RBFOX1: variants seen among roughly 807,000 people sequenced by gnomAD.
RBFOX1 encodes the protein RNA binding fox-1 homolog 1, also known as RNA binding protein fox-1 homolog 1.
A neutral mutation model predicts 57.7 loss-of-function variants in RBFOX1; 8 were observed. That is an observed-to-expected ratio of 0.14 (90% CI 0.08 to 0.25). RBFOX1 has a LOEUF of 0.25. RBFOX1 is among the 10% of genes least tolerant of loss of function. The pLI is 1.00. For missense variants in RBFOX1, 611 were observed against 548.5 expected, an observed-to-expected ratio of 1.11 and a Z score of -1.14; for synonymous variants, 326 against 222.4, an observed-to-expected ratio of 1.47 and a Z score of -4.15.
At chr16:6,496,527 A>T (rs918165113) in intron 2 of RBFOX1, among the ~76,000 whole-genome samples, 1 of 152,174 alleles carries the variant, frequency 6.6e-6, no homozygotes, top group Non-Finnish European at 1.5e-5. Context: ...TGCCCACTTG[A>T]ACGTATCAGT....
chr16:7,432,142 A>T (rs1478195954), intron 4 of RBFOX1, among the ~76,000 whole-genome samples: 1 of 152,188 alleles, frequency 6.6e-6, no homozygotes, highest in African/African-American at 2.4e-5. Context: ...ACTCATTGTC[A>T]GGTCAGCAGG....
At chr16:5,857,142 T>C (rs1427366482) in intron 3 of RBFOX1, among the ~76,000 whole-genome samples, 1 of 152,116 alleles carries the variant, frequency 6.6e-6, no homozygotes, top group East Asian at 1.9e-4. Context: ...GATTTCAGTA[T>C]TATTGTGTCT....
intron 4 of RBFOX1, among the ~76,000 whole-genome samples, chr16:7,254,259 G>C (rs10500351): frequency 0.17 from 25,556 of 152,112 alleles, 2,474 homozygotes; most frequent in Middle Eastern, 0.3. Context: ...AGGACTCATA[G>C]TATTAACCAC....
chr16:6,961,097 C>T (rs954380392), intron 3 of RBFOX1, among the ~76,000 whole-genome samples: 2 of 144,218 alleles, frequency 1.4e-5, no homozygotes, highest in Non-Finnish European at 3.1e-5. Flanking sequence ...GAGCCGAGAT[C>T]ATGCCACTGC....
chr16:5,418,895 T>G (rs1016627825), intron 1 of RBFOX1, among the ~76,000 whole-genome samples: 1 of 152,128 alleles, frequency 6.6e-6, no homozygotes, highest in African/African-American at 2.4e-5. Context: ...ATTACAGAAT[T>G]CCAAGCAAAC....
chr16:5,545,221 A>C (rs1191354593), intron 2 of RBFOX1, among the ~76,000 whole-genome samples: 1 of 152,050 alleles, frequency 6.6e-6, no homozygotes, highest in Non-Finnish European at 1.5e-5. Context: ...CAGGTGATCC[A>C]ACCGCCTTGG....
intron 4 of RBFOX1, among the ~76,000 whole-genome samples, chr16:7,226,250 A>C (rs1461367777): frequency 6.6e-6 from 1 of 152,212 alleles, no homozygotes; most frequent in Non-Finnish European, 1.5e-5. Flanking sequence ...CTGATCAGGC[A>C]GGTTGGCTTC....
chr16:7,668,548 G>C (rs2070223045), intron 13 of RBFOX1, among the ~76,000 whole-genome samples: 3 of 152,112 alleles, frequency 2.0e-5, no homozygotes, highest in Admixed American at 6.6e-5. Flanking sequence ...CCACAGTGGA[G>C]AGGTGCAGGC....
intron 2 of RBFOX1, among the ~76,000 whole-genome samples, chr16:5,583,562 G>C (rs1205685011): frequency 6.6e-6 from 1 of 152,132 alleles, no homozygotes; most frequent in African/African-American, 2.4e-5. Flanking sequence ...TGTGATTCTG[G>C]AGGCTGCCTG....
At chr16:7,177,373 A>G (rs1234556961) in intron 4 of RBFOX1, among the ~76,000 whole-genome samples, 1 of 152,170 alleles carries the variant, frequency 6.6e-6, no homozygotes, top group Non-Finnish European at 1.5e-5. Flanking sequence ...CAGAGGAATG[A>G]TAAATGCTGG....
chr16:5,391,549 T>C (rs2066407613), intron 1 of RBFOX1, among the ~76,000 whole-genome samples: 1 of 152,118 alleles, frequency 6.6e-6, no homozygotes, highest in African/African-American at 2.4e-5. Context: ...CATCTGTGGC[T>C]TAATTCTTCT....
intron 1 of RBFOX1, among the ~76,000 whole-genome samples, chr16:5,275,093 C>G (rs897373003): frequency 2.0e-5 from 3 of 152,212 alleles, no homozygotes; most frequent in Non-Finnish European, 4.4e-5. Context: ...ATCCGCCTGT[C>G]AAGTCCTCAT....
At chr16:6,997,477 T>C (rs7191667) in intron 3 of RBFOX1, among the ~76,000 whole-genome samples, 58,658 of 152,024 alleles carry the variant, frequency 0.39, 12,743 homozygotes, top group East Asian at 0.84. Context: ...TTTAAGTTAA[T>C]GTTAACAATT....
intron 3 of RBFOX1, among the ~76,000 whole-genome samples, chr16:6,780,887 G>A (rs1028405086): frequency 2.0e-5 from 3 of 151,858 alleles, no homozygotes; most frequent in Non-Finnish European, 2.9e-5. Flanking sequence ...ACATGTTCTG[G>A]CAGTTATTCT....
chr16:7,582,592 C>G (rs186894213), intron 6 of RBFOX1, among the ~76,000 whole-genome samples: 1 of 152,174 alleles, frequency 6.6e-6, no homozygotes, highest in East Asian at 1.9e-4. Flanking sequence ...TTCTCATTGG[C>G]TCCCTGCACT....
At chr16:6,639,952 G>A (rs1416106443) in intron 2 of RBFOX1, among the ~76,000 whole-genome samples, 1 of 152,142 alleles carries the variant, frequency 6.6e-6, no homozygotes, top group Non-Finnish European at 1.5e-5. Flanking sequence ...CCCTAACTAT[G>A]TGTCAGCACT....
chr16:6,107,552 A>C (rs2096395969), intron 1 of RBFOX1, among the ~76,000 whole-genome samples: 1 of 152,232 alleles, frequency 6.6e-6, no homozygotes, highest in South Asian at 2.1e-4. Flanking sequence ...TTTTCAGACA[A>C]CATTAGTTCA....
chr16:6,570,146 A>G (rs1281770201), intron 2 of RBFOX1, among the ~76,000 whole-genome samples: 1 of 152,160 alleles, frequency 6.6e-6, no homozygotes, highest in Non-Finnish European at 1.5e-5. Flanking sequence ...GACTACACTA[A>G]TTTCGTTATA....
chr16:6,205,861 T>TA (rs1290487770), intron 1 of RBFOX1, among the ~76,000 whole-genome samples: 2 of 56,154 alleles, frequency 3.6e-5, no homozygotes, highest in Non-Finnish European at 7.6e-5. Flanking sequence ...TACGAGATCA[T>TA]ACTTTTTTTT....
Sources: gnomAD v4.1 joint callset for allele counts (sites outside exome capture counted in the v4.1 genomes callset) on GRCh38, gnomAD v4.1.1 for gene constraint, MANE v1.5 for transcripts, NCBI Gene and HGNC (gene_info 2026-07-23, HGNC 2026-07-21) for gene names.